POLR3B: variants seen among roughly 807,000 people sequenced by gnomAD.
The protein encoded by POLR3B is RNA polymerase III subunit B.
Under a neutral mutation model 147.4 loss-of-function variants are expected in POLR3B, and 96 were observed. The ratio of observed to expected loss-of-function variants is 0.65; its 90% confidence interval spans 0.55 to 0.77. The LOEUF (loss-of-function observed/expected upper bound fraction) is 0.77. POLR3B is among the 30% of genes least tolerant of loss of function. The pLI, the probability that POLR3B is intolerant of heterozygous loss-of-function variation, is 0.00. For synonymous variants in POLR3B, 461 were observed against 485.9 expected (o/e 0.95, Z 0.67); for missense variants, 1,036 against 1,413.5 (o/e 0.73, Z 4.28).
At chr12:106,506,782 A>G (rs1004355828) in intron 27 of POLR3B, among the ~76,000 whole-genome samples, 1 of 152,140 alleles carries the variant, frequency 6.6e-6, no homozygotes, top group African/African-American at 2.4e-5. Context: ...GCCAACAGAA[A>G]AAAATCCTAA....
chr12:106,505,978 CT>C (rs2137091715), intron 27 of POLR3B, among the ~76,000 whole-genome samples: 1 of 152,280 alleles, frequency 6.6e-6, no homozygotes, highest in Admixed American at 6.5e-5. Context: ...GGTGAAGACT[CT>C]CGTCTGTAAG....
intron 9 of POLR3B, among the ~76,000 whole-genome samples, chr12:106,392,752 T>C (rs1249942476): frequency 2.0e-5 from 3 of 152,190 alleles, no homozygotes; most frequent in Non-Finnish European, 1.5e-5. Context: ...AGCCTCCTTT[T>C]TTCGTGATGA....
intron 25 of POLR3B, among the ~76,000 whole-genome samples, chr12:106,498,621 GC>G (rs1324762238): frequency 1.4e-5 from 2 of 139,692 alleles, no homozygotes; most frequent in Admixed American, 1.5e-4. Context: ...CGCTCTTATT[GC>G]CCAGGCTGGA....
intron 18 of POLR3B, among the ~76,000 whole-genome samples, chr12:106,443,603 C>T (rs1216696319): frequency 2.6e-5 from 4 of 151,602 alleles, no homozygotes; most frequent in South Asian, 2.1e-4. Flanking sequence ...CTGCAACCTC[C>T]GTCTCCTGGG....
At chr12:106,495,632 G>T (rs911441194) in intron 23 of POLR3B, among the ~76,000 whole-genome samples, 44 of 152,182 alleles carry the variant, frequency 2.9e-4, no homozygotes, top group Non-Finnish European at 2.9e-5. Context: ...TGTGTTTGGG[G>T]GTCAGAGAAC....
At chr12:106,467,435 A>G (rs1376937464) in intron 23 of POLR3B, among the ~76,000 whole-genome samples, 1 of 152,168 alleles carries the variant, frequency 6.6e-6, no homozygotes, top group Non-Finnish European at 1.5e-5. Context: ...CTATCTGAGT[A>G]TACTTTATTG....
chr12:106,371,883 T>G (rs568451991), intron 6 of POLR3B, among the ~76,000 whole-genome samples: 8 of 151,892 alleles, frequency 5.3e-5, no homozygotes, highest in African/African-American at 1.9e-4. Context: ...GGCACATGTA[T>G]ACATATGTAA....
chr12:106,475,968 T>C (rs1349168084), intron 23 of POLR3B, among the ~76,000 whole-genome samples: 1 of 150,792 alleles, frequency 6.6e-6, no homozygotes, highest in Non-Finnish European at 1.5e-5. Flanking sequence ...GTCTCGATGG[T>C]CTTTACATTT....
chr12:106,390,055 C>G (rs1243775490), intron 9 of POLR3B, among the ~76,000 whole-genome samples: 1 of 152,012 alleles, frequency 6.6e-6, no homozygotes, highest in Non-Finnish European at 1.5e-5. Context: ...CCCATCTGTA[C>G]TAAATACAAA....
intron 18 of POLR3B, among the ~76,000 whole-genome samples, chr12:106,444,143 A>T (rs1056538784): frequency 2.0e-5 from 3 of 152,188 alleles, no homozygotes; most frequent in African/African-American, 7.2e-5. Flanking sequence ...TAAAGGACGT[A>T]TATTCCACTC....
chr12:106,412,052 A>G (rs1188430572), intron 12 of POLR3B, among the ~76,000 whole-genome samples: 2 of 152,150 alleles, frequency 1.3e-5, no homozygotes, highest in South Asian at 2.1e-4. Flanking sequence ...CGTCTCAGTC[A>G]CTTGTGGGTC....
chr12:106,461,075 GTGTT>G (rs1484373036), intron 22 of POLR3B, among the ~76,000 whole-genome samples: 1 of 151,848 alleles, frequency 6.6e-6, no homozygotes, highest in African/African-American at 2.4e-5. Flanking sequence ...GACATCCTAT[GTGTT>G]TGTTTCATTC....
chr12:106,441,031 C>G (rs1362340978), intron 18 of POLR3B, among the ~76,000 whole-genome samples: 1 of 152,046 alleles, frequency 6.6e-6, no homozygotes. Flanking sequence ...CTTTCCCATC[C>G]CACCAGACTC....
chr12:106,508,255 C>A (rs1358636140), intron 27 of POLR3B, among the ~76,000 whole-genome samples: 1 of 152,186 alleles, frequency 6.6e-6, no homozygotes, highest in Non-Finnish European at 1.5e-5. Flanking sequence ...TGTCAGCATT[C>A]TTGTGCACAT....
rs2038752169 is a variant in POLR3B at position 106,510,153 on chromosome 12, G to T, written c.*604G>T. ...ACTCAATTGCTATTATTTTAAACCT[G>T]CATGATTGTACCATGCAATACTATT... is the stretch of plus-strand genomic sequence containing the variant. On this transcript the variant is annotated 3_prime_UTR_variant, in exon 28 of 28. Transcript: ENST00000228347. The T allele has an allele frequency of 6.1e-6, 1 of 162,882 alleles. No individual in the cohort carries two copies. The highest frequency in any genetic ancestry group is 1.3e-5 in the Non-Finnish European group (1 of 74,274). 10.1% of individuals were successfully genotyped at this position (162,882 alleles called of 1,614,324 possible).
chr12:106,396,988 G>A (rs1007293158), intron 10 of POLR3B, among the ~76,000 whole-genome samples: 2 of 151,964 alleles, frequency 1.3e-5, no homozygotes, highest in Non-Finnish European at 2.9e-5. Context: ...TGGGCATGGT[G>A]GCGTGTGCCT....
At chr12:106,446,843 A>G (rs6539269) in intron 19 of POLR3B, among the ~76,000 whole-genome samples, 59,820 of 151,968 alleles carry the variant, frequency 0.39, 13,973 homozygotes, top group African/African-American at 0.65. Context: ...CATATAATGC[A>G]GCAGCATTTC....
intron 9 of POLR3B, among the ~76,000 whole-genome samples, chr12:106,389,878 G>C (rs898950659): frequency 6.6e-6 from 1 of 152,164 alleles, no homozygotes; most frequent in African/African-American, 2.4e-5. Context: ...CTGCACCCCG[G>C]TCTGGGCAAC....
At chr12:106,507,397 G>A (rs375108715) in intron 27 of POLR3B, among the ~76,000 whole-genome samples, 2 of 152,232 alleles carry the variant, frequency 1.3e-5, no homozygotes. Context: ...ATATGAATCA[G>A]TACATATGGA....
Sources: gnomAD v4.1 joint callset for allele counts (sites outside exome capture counted in the v4.1 genomes callset) on GRCh38, gnomAD v4.1.1 for gene constraint, MANE v1.5 for transcripts, NCBI Gene and HGNC (gene_info 2026-07-23, HGNC 2026-07-21) for gene names.